Variants in GRK1 observed in about 807,000 individuals in gnomAD.
The protein encoded by GRK1 is rhodopsin kinase GRK1.
In GRK1, 28 loss-of-function variants were observed where a neutral mutation model predicts 41.7. That is an observed-to-expected ratio of 0.67 (90% CI 0.50 to 0.92). The LOEUF (loss-of-function observed/expected upper bound fraction) is 0.92, where lower values mean the gene tolerates loss of function less well. Ranked by LOEUF, GRK1 falls within the 40% of genes least tolerant of loss-of-function variation. The pLI is 0.00. For synonymous variants in GRK1, 327 were observed against 286.7 expected, an observed-to-expected ratio of 1.14 and a Z score of -1.42; for missense variants, 703 against 671.2, an observed-to-expected ratio of 1.05 and a Z score of -0.52.
chr13:113,657,518 AG>A, the GRK1 span, among the ~76,000 whole-genome samples: 1 of 152,306 alleles, frequency 6.6e-6, no homozygotes, highest in Non-Finnish European at 1.5e-5. Context: ...AGGACCCTGC[AG>A]GGCAGACCTC....
At chr13:113,660,058 T>C in the GRK1 span, among the ~76,000 whole-genome samples, 15 of 152,354 alleles carry the variant, frequency 9.8e-5, no homozygotes, top group African/African-American at 3.6e-4. Context: ...AATGACCTTC[T>C]TCTGGACACA....
At chr13:113,726,745 A>G (rs911460153) in intron 4 of GRK1, among the ~76,000 whole-genome samples, 14 of 152,104 alleles carry the variant, frequency 9.2e-5, no homozygotes, top group African/African-American at 2.9e-4. Flanking sequence ...GGGAGCTGAG[A>G]AGGCTCTGGG....
At chr13:113,653,418 C>T in the GRK1 span, 250 of 1,614,196 alleles carry the variant, frequency 1.5e-4, 3 homozygotes, top group African/African-American at 2.2e-3. Flanking sequence ...CGTAAACATC[C>T]GGCCTTAAGG....
At chr13:113,657,381 G>A in the GRK1 span, among the ~76,000 whole-genome samples, 21 of 152,340 alleles carry the variant, frequency 1.4e-4, no homozygotes, top group Admixed American at 1.0e-3. Context: ...GGCGTTTCCC[G>A]GAACGGGTGT....
chr13:113,733,949 T>TGTGTGCATACGTGTGTGCGC (rs1566700440), intron 6 of GRK1, among the ~76,000 whole-genome samples: 1 of 148,608 alleles, frequency 6.7e-6, no homozygotes, highest in African/African-American at 2.5e-5. Flanking sequence ...TGTGTGCGTG[T>TGTGTGCATACGTGTGTGCGC]GTGTGCATAC....
intron 4 of GRK1, among the ~76,000 whole-genome samples, chr13:113,727,775 C>T (rs1202394356): frequency 1.9e-4 from 17 of 89,794 alleles, no homozygotes; most frequent in African/African-American, 6.7e-4. Context: ...GTACCCATGG[C>T]GATGAGGAGT....
chr13:113,733,822 C>CGT (rs762574846), intron 6 of GRK1, among the ~76,000 whole-genome samples: 1 of 93,564 alleles, frequency 1.1e-5, no homozygotes, highest in African/African-American at 4.3e-5. Context: ...TACGTGTGTG[C>CGT]GTGTGTGTGC....
At chr13:113,734,014 ATGTGTGTGCGTGCG>A (rs1211008699) in intron 6 of GRK1, among the ~76,000 whole-genome samples, 2 of 97,324 alleles carry the variant, frequency 2.1e-5, no homozygotes, top group African/African-American at 8.9e-5. Context: ...GTGTGCGTGC[ATGTGTGTGCGTGCG>A]TGTGCGTATG....
At chr13:113,665,012 G>A (rs115414066), upstream of GRK1, among the ~76,000 whole-genome samples, 1,482 of 152,310 alleles carry the variant, frequency 9.7e-3, 19 homozygotes, top group African/African-American at 0.034. Context: ...TCAGGAGACC[G>A]TGGGGACGTC....
In GRK1 at chr13:113,733,839, GTGTGCA is replaced by G. The variant is rs1477056792; in HGVS notation, c.1396+759_1396+764del. ...CGTGTGTGCGTGTGTGTGCACGTGC[GTGTGCA>G]TGTGTATGTGTGCATACGTGTGTGC... On this transcript the variant is annotated intron_variant, in intron 6 of 6. Coordinates refer to ENST00000335678, the MANE Select transcript of GRK1 (RefSeq NM_002929.3). Among the ~76,000 whole-genome samples, 522 of 129,098 alleles carry G rather than the reference GTGTGCA, an allele frequency of 4.0e-3. 25 individuals carry two copies. Among genetic ancestry groups the G allele is most frequent in the African/African-American group, 0.016 (475 of 30,602 alleles). The allele number at this position is 129,098 out of a possible 152,430, so 84.7% of individuals were successfully genotyped here.
At position 113,732,979 on chromosome 13, in the gene GRK1, G is replaced by A. The variant is rs1397700704; in HGVS notation, c.1290G>A (p.Leu430=). ...SQASKDFCEA[L]LEKDPEKRLG... The stretch of plus-strand genomic sequence containing the variant: ...CCAGCAAGGACTTCTGCGAGGCGCT[G>A]CTGGAGAAGGACCCGGAGAAGCGCC... The change falls in exon 6 of 7, where the codon CTG becomes CTA. Residue 430 remains leucine, a synonymous_variant. Transcript: ENST00000335678. 3 of 1,537,102 alleles carry A rather than the reference G, an allele frequency of 2.0e-6. No homozygotes were observed. Among genetic ancestry groups the A allele is most frequent in the Non-Finnish European group, 2.6e-6 (3 of 1,146,920 alleles).
Position 113,667,706 on chromosome 13 carries a change from C to T in GRK1, c.320C>T (p.Ala107Val), listed in dbSNP as rs1169252058. 8.1e-6 allele frequency: 13 copies of T among 1,613,734 alleles called. No individual in the cohort carries two copies. The highest frequency in any genetic ancestry group is 1.3e-5 in the African/African-American group (1 of 74,942). ...GACAATGACCTCCAGCCACAGAAGG[C>T]CCAGACCATCCTGGCCCAGTACCTG... ...TADNDLQPQK[A>V]QTILAQYLDP... Residue 107 changes from alanine to valine, a missense_variant, in exon 1 of 7, where the codon GCC (alanine) becomes GTC (valine). By Grantham distance (64) the Ala-to-Val change is moderately conservative (BLOSUM62 0). Transcript: ENST00000335678. This position sits in a 1 kb window ranked among gnomAD's most constrained non-coding sequence, Gnocchi z 7.5.
the GRK1 span, among the ~76,000 whole-genome samples, chr13:113,655,361 G>T: frequency 6.6e-6 from 1 of 152,216 alleles, no homozygotes; most frequent in East Asian, 1.9e-4. Context: ...TCCTGCCCAT[G>T]GTGACCCATA....
In GRK1 at chr13:113,671,193, C is replaced by A. The variant is rs1340652345; in HGVS notation, c.828-306C>A. Reference sequence around the variant, plus strand: ...GCATCCCACCTCGGCCTCGGCCTGGCCCCTTCCTGAGACGGTCTGGGCTGT... The same window carrying A: ...GCATCCCACCTCGGCCTCGGCCTGGACCCTTCCTGAGACGGTCTGGGCTGT... On this transcript the variant is annotated intron_variant, in intron 2 of 6. Transcript: ENST00000335678. The surrounding 1 kb of genome is among the most constrained non-coding windows in gnomAD (Gnocchi z 4.1). Among the ~76,000 whole-genome samples, 1 of 152,226 alleles carries A rather than the reference C, an allele frequency of 6.6e-6. No individual in the cohort carries two copies. Among genetic ancestry groups the A allele is most frequent in the Non-Finnish European group, 1.5e-5 (1 of 68,044 alleles).
chr13:113,732,558 A>T (rs892333536), intron 5 of GRK1, among the ~76,000 whole-genome samples: 1 of 152,214 alleles, frequency 6.6e-6, no homozygotes. Flanking sequence ...GGTGGAGTGA[A>T]AACGGAGGCT....
chr13:113,656,123 G>A, the GRK1 span, among the ~76,000 whole-genome samples: 1 of 152,232 alleles, frequency 6.6e-6, no homozygotes, highest in African/African-American at 2.4e-5. Context: ...AGCTTCAGCA[G>A]TGTGGGGCCC....
rs2049857494 is a variant in GRK1, at chr13:113,671,579, G to A, written c.908G>A (p.Cys303Tyr). The change falls in exon 3 of 7, where the codon TGC (cysteine) becomes TAC (tyrosine). Residue 303 changes from cysteine to tyrosine, a missense_variant. Cys to Tyr is a radical substitution (Grantham distance 194). Transcript: ENST00000335678. This position sits in a 1 kb window ranked among gnomAD's most constrained non-coding sequence, Gnocchi z 4.1. ...CTCTTCTACACGGCGCAGATCATCT[G>A]CGGCCTGGAGCACCTGCACCAGAGG... ...RALFYTAQIICGLEHLHQRRI... is the reference protein window; with the variant it reads ...RALFYTAQIIYGLEHLHQRRI... The A allele has an allele frequency of 1.3e-6, 1 of 776,330 alleles. No individual in the cohort carries two copies. The highest frequency in any genetic ancestry group is 1.7e-5 in the African/African-American group (1 of 59,256). 48.1% of individuals were successfully genotyped at this position (776,330 alleles called of 1,614,324 possible).
chr13:113,665,657 C>T (rs1566692319), upstream of GRK1, among the ~76,000 whole-genome samples: 2 of 134,346 alleles, frequency 1.5e-5, no homozygotes, highest in East Asian at 4.9e-4. Context: ...TGTGTCCCAG[C>T]TGTGCCCCAG....
intron 1 of GRK1, 60 bp from the exon 2 acceptor site, chr13:113,669,627 C>A: frequency 1.9e-6 from 3 of 1,603,248 alleles, no homozygotes; most frequent in South Asian, 1.1e-5. Flanking sequence ...ACGGTCTCTG[C>A]GATGCACCTA....
Sources: allele counts gnomAD v4.1 joint callset (sites outside exome capture counted in the v4.1 genomes callset), GRCh38; gene constraint gnomAD v4.1.1; non-coding constraint Gnocchi (gnomAD v3.1); transcripts MANE v1.5; gene names NCBI Gene and HGNC (gene_info 2026-07-23, HGNC 2026-07-21).